Variants in FHIT observed in about 807,000 individuals in gnomAD.
FHIT encodes the protein fragile histidine triad diadenosine triphosphatase.
FHIT carries 19 observed loss-of-function variants against 17.9 expected under a neutral mutation model. The ratio of observed to expected loss-of-function variants is 1.06; its 90% confidence interval spans 0.74 to 1.56. The LOEUF (loss-of-function observed/expected upper bound fraction) is 1.56, where lower values mean the gene tolerates loss of function less well. FHIT is among the 40% of genes most tolerant of loss of function. FHIT has a pLI of 0.00. For missense variants in FHIT, 248 were observed against 189.2 expected (o/e 1.31, Z -1.82); for synonymous variants, 81 against 69.7 (o/e 1.16, Z -0.81).
At chr3:60,823,688 A>C (rs781891767) in intron 3 of FHIT, among the ~76,000 whole-genome samples, 14 of 152,158 alleles carry the variant, frequency 9.2e-5, no homozygotes, top group Non-Finnish European at 1.6e-4. Flanking sequence ...TGAGACAATA[A>C]ATTTCGGTTG....
chr3:60,686,403 T>C (rs2040863076), intron 4 of FHIT, among the ~76,000 whole-genome samples: 1 of 152,140 alleles, frequency 6.6e-6, no homozygotes, highest in Admixed American at 6.6e-5. Flanking sequence ...TGAAAAGTAA[T>C]TGCAAAACCA....
chr3:61,035,354 T>C (rs1046095399), intron 3 of FHIT, among the ~76,000 whole-genome samples: 1 of 152,210 alleles, frequency 6.6e-6, no homozygotes, highest in Non-Finnish European at 1.5e-5. Flanking sequence ...ATTCTGATCT[T>C]TTAAATGTAA....
intron 5 of FHIT, among the ~76,000 whole-genome samples, chr3:60,402,196 A>G (rs564059521): frequency 6.6e-6 from 1 of 152,340 alleles, no homozygotes; most frequent in Non-Finnish European, 1.5e-5. Flanking sequence ...TTGTATTAAT[A>G]AGCAAGGTAA....
intron 5 of FHIT, among the ~76,000 whole-genome samples, chr3:60,467,605 A>C (rs1339692519): frequency 6.6e-6 from 1 of 151,986 alleles, no homozygotes. Flanking sequence ...CATATTGTTT[A>C]ATTTCCATGT....
chr3:60,900,061 A>G (rs988110007), intron 3 of FHIT, among the ~76,000 whole-genome samples: 4 of 152,156 alleles, frequency 2.6e-5, no homozygotes, highest in Non-Finnish European at 4.4e-5. Flanking sequence ...CAATACAAAG[A>G]AAGAGTTGGG....
chr3:60,952,574 A>G (rs182878106), intron 3 of FHIT, among the ~76,000 whole-genome samples: 15 of 152,300 alleles, frequency 9.8e-5, no homozygotes, highest in African/African-American at 3.4e-4. Flanking sequence ...GAAATATGCC[A>G]CTTTAGCCTA....
At chr3:61,248,031 A>C (rs1031126385) in intron 1 of FHIT, among the ~76,000 whole-genome samples, 2 of 152,254 alleles carry the variant, frequency 1.3e-5, no homozygotes, top group African/African-American at 4.8e-5. Context: ...TCATCTGAGA[A>C]GTCACAGATA....
intron 3 of FHIT, among the ~76,000 whole-genome samples, chr3:60,963,880 T>C (rs1188302667): frequency 2.0e-5 from 3 of 152,206 alleles, no homozygotes; most frequent in Non-Finnish European, 4.4e-5. Context: ...ATAAGTGCGA[T>C]GTGGTGCTGA....
intron 3 of FHIT, among the ~76,000 whole-genome samples, chr3:61,019,594 T>A (rs969254918): frequency 2.6e-5 from 4 of 152,248 alleles, no homozygotes; most frequent in Non-Finnish European, 4.4e-5. Flanking sequence ...AACTTGTAGA[T>A]TCTTTCACAT....
rs1700365852 is a variant in FHIT, at chr3:59,810,346, AC to A, written c.349-58026del. On this transcript the variant is annotated intron_variant, in intron 8 of 9. Coordinates refer to ENST00000492590, the MANE Select transcript of FHIT (RefSeq NM_002012.4). Reference sequence around the variant, plus strand: ...AGACCAATGGGGACAGTATTTCCAGACTTTGGCATGAAACAGATTTCTGAGC... The same window carrying A: ...AGACCAATGGGGACAGTATTTCCAGATTTGGCATGAAACAGATTTCTGAGC... Among the ~76,000 whole-genome samples, 4 of 152,278 alleles carry A rather than the reference AC, an allele frequency of 2.6e-5. No individual in the cohort carries two copies. In the South Asian group the frequency reaches 8.3e-4, roughly 32 times the overall value.
chr3:60,117,371 T>C (rs12636523), intron 5 of FHIT, among the ~76,000 whole-genome samples: 11,129 of 152,082 alleles, frequency 0.073, 576 homozygotes, highest in Admixed American at 0.12. Flanking sequence ...ATTTAGAATA[T>C]AATACTGTAT....
At chr3:60,212,644 A>G (rs1039104956) in intron 5 of FHIT, among the ~76,000 whole-genome samples, 2 of 152,076 alleles carry the variant, frequency 1.3e-5, no homozygotes, top group African/African-American at 2.4e-5. Flanking sequence ...AATTAGTAAG[A>G]TAAGAAAAAA....
At chr3:60,718,899 A>G (rs188409400) in intron 4 of FHIT, among the ~76,000 whole-genome samples, 38 of 152,268 alleles carry the variant, frequency 2.5e-4, no homozygotes, top group Middle Eastern at 3.4e-3. Flanking sequence ...CAAACTTTTG[A>G]TACTTTGATG....
At chr3:60,604,193 G>C (rs2038534609) in intron 4 of FHIT, among the ~76,000 whole-genome samples, 1 of 152,096 alleles carries the variant, frequency 6.6e-6, no homozygotes, top group Non-Finnish European at 1.5e-5. Context: ...AGGTGAGTCT[G>C]GCCTTGTGTA....
intron 4 of FHIT, among the ~76,000 whole-genome samples, chr3:60,628,632 CT>C (rs2039357825): frequency 6.6e-6 from 1 of 152,174 alleles, no homozygotes; most frequent in Non-Finnish European, 1.5e-5. Flanking sequence ...TTACCTTTAC[CT>C]TTCTTTGATT....
intron 7 of FHIT, among the ~76,000 whole-genome samples, chr3:59,934,839 T>C (rs1706153436): frequency 6.6e-6 from 1 of 152,104 alleles, no homozygotes; most frequent in African/African-American, 2.4e-5. Context: ...ACTGCCCCCA[T>C]GATTCAATTT....
chr3:60,401,744 T>C (rs143619217), intron 5 of FHIT, among the ~76,000 whole-genome samples: 1 of 152,324 alleles, frequency 6.6e-6, no homozygotes, highest in Non-Finnish European at 1.5e-5. Flanking sequence ...ATAAGTCAAA[T>C]TTGAACATTC....
intron 3 of FHIT, among the ~76,000 whole-genome samples, chr3:60,976,103 T>C (rs1710232132): frequency 9.1e-6 from 1 of 110,358 alleles, no homozygotes; most frequent in African/African-American, 3.4e-5. Flanking sequence ...TTTCTTTTTT[T>C]TTTTTTTTTT....
intron 4 of FHIT, among the ~76,000 whole-genome samples, chr3:60,807,943 C>T (rs1559738626): frequency 6.6e-6 from 1 of 152,230 alleles, no homozygotes; most frequent in Non-Finnish European, 1.5e-5. Flanking sequence ...CAGGAATCAT[C>T]CTCCATGGAT....
Sources: gnomAD v4.1 joint callset for allele counts (sites outside exome capture counted in the v4.1 genomes callset) on GRCh38, gnomAD v4.1.1 for gene constraint, MANE v1.5 for transcripts, NCBI Gene and HGNC (gene_info 2026-07-23, HGNC 2026-07-21) for gene names.